KIDINS220: variants seen among roughly 807,000 people sequenced by gnomAD.
KIDINS220 encodes kinase D interacting substrate 220.
Under a neutral mutation model 157.6 loss-of-function variants are expected in KIDINS220, and 63 were observed. The ratio of observed to expected loss-of-function variants is 0.40; its 90% CI spans 0.33 to 0.49. KIDINS220 has a LOEUF of 0.49. Ranked by LOEUF, KIDINS220 falls within the 20% of genes least tolerant of loss-of-function variation. The pLI is 0.66. For missense variants in KIDINS220, 1,772 were observed against 2,171.2 expected (o/e 0.82, Z 3.65); for synonymous variants, 732 against 783.6 (o/e 0.93, Z 1.10).
At chr2:8,785,608 T>C in intron 17 of KIDINS220, 133 bp downstream of exon 17, 4 of 811,836 alleles carry the variant, frequency 4.9e-6, no homozygotes, top group Non-Finnish European at 5.8e-6. Context: ...AACGAATGAA[T>C]GAATGAACAA....
chr2:8,727,755 C>T (rs1663482103), downstream of KIDINS220, among the ~76,000 whole-genome samples: 1 of 151,998 alleles, frequency 6.6e-6, no homozygotes, highest in Admixed American at 6.6e-5. Flanking sequence ...CTATATAAAC[C>T]CATATAAGTA....
At chr2:8,798,341 C>T in intron 9 of KIDINS220, 41 bp from the exon 10 acceptor site, 2 of 1,133,850 alleles carry the variant, frequency 1.8e-6, no homozygotes, top group Non-Finnish European at 2.7e-6. Flanking sequence ...ATGTAAGATA[C>T]AATATTTAAA....
intron 1 of KIDINS220, among the ~76,000 whole-genome samples, chr2:8,829,400 A>G (rs962911950): frequency 6.6e-6 from 1 of 152,216 alleles, no homozygotes; most frequent in African/African-American, 2.4e-5. Context: ...CTATTATTTT[A>G]AAAAATGATG....
Position 8,779,154 on chromosome 2 carries a change from A to G in KIDINS220, c.2371-15T>C. On this transcript the variant is annotated splice_polypyrimidine_tract_variant and intron_variant, in intron 18 of 29. Transcript: ENST00000256707. ...AGAACTCGGACCTGTGGCAGAAGAAATGTACAGTTGTGACATACATTTTAA... is the reference window on the plus strand; with the variant it reads ...AGAACTCGGACCTGTGGCAGAAGAAGTGTACAGTTGTGACATACATTTTAA... The G allele has an allele frequency of 1.2e-6, 2 of 1,610,384 alleles. No homozygotes were observed. Among genetic ancestry groups the G allele is most frequent in the Non-Finnish European group, 8.5e-7 (1 of 1,179,684 alleles).
At position 8,762,694 on chromosome 2, in the gene KIDINS220, G is replaced by A. The variant is rs190408746; in HGVS notation, c.3011+7976C>T. 4.4e-3 allele frequency among the ~76,000 whole-genome samples: 672 copies of A among 152,036 alleles called. 3 individuals are homozygous for A. Among genetic ancestry groups the A allele is most frequent in the African/African-American group, 0.015 (636 of 41,480 alleles). On this transcript the variant is annotated intron_variant, in intron 22 of 29. Coordinates refer to ENST00000256707, the MANE Select transcript of KIDINS220 (RefSeq NM_020738.4). Reference sequence around the variant, plus strand: ...GCGGAGCTTGCAGTGAGCCGAGATCGCGCCACTGCACTCCAGGCTGGGCGA... The same window carrying A: ...GCGGAGCTTGCAGTGAGCCGAGATCACGCCACTGCACTCCAGGCTGGGCGA...
At chr2:8,800,576 A>G in intron 8 of KIDINS220, 78 bp from the exon 9 acceptor site, 1 of 1,004,586 alleles carries the variant, frequency 1.0e-6, no homozygotes, top group Non-Finnish European at 1.5e-6. Flanking sequence ...ACAGTTAATC[A>G]TGTTTTCATA....
intron 1 of KIDINS220, among the ~76,000 whole-genome samples, chr2:8,835,281 C>T (rs971749248): frequency 7.9e-5 from 12 of 152,058 alleles, no homozygotes; most frequent in African/African-American, 2.9e-4. Context: ...CTAAAGATAC[C>T]TCTTCTGAAG....
At chr2:8,763,472 A>C (rs1180724529) in intron 22 of KIDINS220, among the ~76,000 whole-genome samples, 1 of 152,206 alleles carries the variant, frequency 6.6e-6, no homozygotes, top group Non-Finnish European at 1.5e-5. Context: ...AGATTTTCAG[A>C]TTAGGGATAT....
At position 8,751,655 on chromosome 2, in the gene KIDINS220, G is replaced by T; in HGVS notation, c.3012-11C>A. The stretch of plus-strand genomic sequence containing the variant: ...ATATTCTTTGATATTCTTCAAATAA[G>T]AAATCAATGAAAAAGGTTATTAATG... On this transcript the variant is annotated splice_polypyrimidine_tract_variant and intron_variant, in intron 22 of 29. Coordinates refer to ENST00000256707, the MANE Select transcript of KIDINS220 (RefSeq NM_020738.4). The T allele has an allele frequency of 6.5e-7, 1 of 1,550,172 alleles. No homozygotes were observed. The highest frequency in any genetic ancestry group is 8.8e-7 in the Non-Finnish European group (1 of 1,135,454).
intron 12 of KIDINS220, 105 bp from the exon 13 acceptor site, chr2:8,791,329 A>T: frequency 2.0e-6 from 2 of 1,009,236 alleles, no homozygotes; most frequent in Non-Finnish European, 2.9e-6. Flanking sequence ...AATTATTTCA[A>T]ATGTTTATAC....
chr2:8,821,096 A>C (rs1407891329), intron 2 of KIDINS220, among the ~76,000 whole-genome samples: 1 of 152,060 alleles, frequency 6.6e-6, no homozygotes, highest in Non-Finnish European at 1.5e-5. Context: ...CACATAGGTA[A>C]GTGTTTCTAG....
intron 22 of KIDINS220, among the ~76,000 whole-genome samples, chr2:8,754,621 C>T (rs545210990): frequency 2.4e-4 from 37 of 152,220 alleles, no homozygotes; most frequent in African/African-American, 8.7e-4. Context: ...CTTGTTAATG[C>T]CAACATCAAT....
chr2:8,723,760 T>C (rs558611549), downstream of KIDINS220: 7 of 152,198 alleles, frequency 4.6e-5, no homozygotes, highest in African/African-American at 1.4e-4. Flanking sequence ...AAGTAAAATG[T>C]AGAGTTGAAC....
intron 2 of KIDINS220, among the ~76,000 whole-genome samples, chr2:8,826,297 T>C (rs1030867079): frequency 2.6e-5 from 4 of 152,136 alleles, no homozygotes; most frequent in South Asian, 2.1e-4. Flanking sequence ...TGGAGGATGA[T>C]AGTTGGGGCT....
At position 8,802,926 on chromosome 2, in the gene KIDINS220, C is replaced by A; in HGVS notation, c.801+4G>T. The A allele has an allele frequency of 6.2e-7, 1 of 1,612,534 alleles. No individual in the cohort carries two copies. The highest frequency in any genetic ancestry group is 8.5e-7 in the Non-Finnish European group (1 of 1,179,234). ...AGGAGACAAATGTGAAATAGATGAC[C>A]TACCCTGTCAGGTATGTTCACATAT... On this transcript the variant is annotated splice_donor_region_variant and intron_variant, in intron 8 of 29. Transcript: ENST00000256707.
chr2:8,793,264 T>G, intron 12 of KIDINS220, among the ~76,000 whole-genome samples: 1 of 152,056 alleles, frequency 6.6e-6, no homozygotes, highest in Non-Finnish European at 1.5e-5. Context: ...TCCCAGCACT[T>G]TGGGAGGCCA....
chr2:8,730,250 C>A lies in KIDINS220; in HGVS notation c.*470G>T. 1 of 988,586 alleles carries A rather than the reference C, an allele frequency of 1.0e-6. No homozygotes were observed. The highest frequency in any genetic ancestry group is 1.2e-6 in the Non-Finnish European group (1 of 832,270). The allele number at this position is 988,586 out of a possible 1,614,324, so 61.2% of individuals were successfully genotyped here. On this transcript the variant is annotated 3_prime_UTR_variant, in exon 30 of 30. Transcript: ENST00000256707. ...CGGTTTACTCAGCCTCTCCCTGTAG[C>A]GTCACAGGCTGTGCACTCACCTAGG...
intron 18 of KIDINS220, 75 bp from the exon 19 acceptor site, chr2:8,779,214 T>C (rs956578498): frequency 1.4e-5 from 21 of 1,525,776 alleles, no homozygotes; most frequent in African/African-American, 6.9e-5. Flanking sequence ...CTTCAAAATA[T>C]GTGCTACCTT....
At position 8,751,449 on chromosome 2, in the gene KIDINS220, T is replaced by C. The variant is rs766041559; in HGVS notation, c.3190+17A>G. 3.8e-6 allele frequency: 6 copies of C among 1,570,042 alleles called. No individual in the cohort carries two copies. In the South Asian group the frequency reaches 4.7e-5, roughly 12 times the overall value. ...TAGAACTTTAGATGAAAAATTAAAT[T>C]TACTACTAATACCCACCTGCAATAA... On this transcript the variant is annotated intron_variant, in intron 23 of 29. Coordinates refer to ENST00000256707, the MANE Select transcript of KIDINS220 (RefSeq NM_020738.4).
Sources: gnomAD v4.1 joint callset for allele counts (sites outside exome capture counted in the v4.1 genomes callset) on GRCh38, gnomAD v4.1.1 for gene constraint, MANE v1.5 for transcripts, NCBI Gene and HGNC (gene_info 2026-07-23, HGNC 2026-07-21) for gene names.